The following SOX6 variants were observed in gnomAD, a reference collection of about 807,000 sequenced individuals.
The protein encoded by SOX6 is transcription factor SOX-6.
In SOX6, 11 loss-of-function variants were observed where a neutral mutation model predicts 97.8. The ratio of observed to expected loss-of-function variants is 0.11; its 90% CI spans 0.07 to 0.19. SOX6 has a LOEUF of 0.19. Ranked by LOEUF, SOX6 falls within the 10% of genes least tolerant of loss-of-function variation. The pLI is 1.00. For synonymous variants in SOX6, 360 were observed against 371.4 expected, an observed-to-expected ratio of 0.97 and a Z score of 0.35; for missense variants, 810 against 1,039.5, an observed-to-expected ratio of 0.78 and a Z score of 3.04.
intron 4 of SOX6, among the ~76,000 whole-genome samples, chr11:16,593,495 G>A (rs946640964): frequency 5.5e-5 from 8 of 145,394 alleles, no homozygotes; most frequent in Non-Finnish European, 1.2e-4. Context: ...TGGGAAGAAC[G>A]TTGAACAAAT....
At chr11:16,089,097 G>A (rs188483201) in intron 9 of SOX6, among the ~76,000 whole-genome samples, 7 of 152,186 alleles carry the variant, frequency 4.6e-5, no homozygotes, top group Non-Finnish European at 7.4e-5. Context: ...TGAACTCAAT[G>A]CAGTTTATTG....
intron 9 of SOX6, among the ~76,000 whole-genome samples, chr11:16,093,117 G>A (rs1848726878): frequency 6.6e-6 from 1 of 151,970 alleles, no homozygotes; most frequent in Non-Finnish European, 1.5e-5. Flanking sequence ...AGTGCTCTCT[G>A]TTCTCTAAAG....
intron 4 of SOX6, among the ~76,000 whole-genome samples, chr11:16,581,748 G>T (rs1848034296): frequency 6.6e-6 from 1 of 152,154 alleles, no homozygotes; most frequent in Non-Finnish European, 1.5e-5. Context: ...TGGATCAAGA[G>T]GTCAGGAGTT....
chr11:16,317,086 A>G (rs1383958002), intron 3 of SOX6: 1 of 151,912 alleles, frequency 6.6e-6, no homozygotes, highest in Non-Finnish European at 1.5e-5. Flanking sequence ...ACACACACCA[A>G]AAAAATACAT....
chr11:16,453,884 C>T (rs2133099101), intron 1 of SOX6, among the ~76,000 whole-genome samples: 1 of 152,176 alleles, frequency 6.6e-6, no homozygotes, highest in South Asian at 2.1e-4. Flanking sequence ...TACTTACCGC[C>T]TCATTTTATG....
intron 3 of SOX6, among the ~76,000 whole-genome samples, chr11:16,239,346 T>C (rs1853116695): frequency 6.6e-6 from 1 of 152,028 alleles, no homozygotes; most frequent in African/African-American, 2.4e-5. Context: ...AACAACTGAT[T>C]TTCCAAATAA....
At chr11:16,368,682 T>C (rs748319372) in intron 1 of SOX6, among the ~76,000 whole-genome samples, 21 of 152,194 alleles carry the variant, frequency 1.4e-4, no homozygotes, top group Non-Finnish European at 2.2e-4. Context: ...CATCATGACA[T>C]TGAAGATTTC....
intron 4 of SOX6, among the ~76,000 whole-genome samples, chr11:16,494,641 A>G (rs1195799444): frequency 6.6e-6 from 1 of 152,186 alleles, no homozygotes; most frequent in African/African-American, 2.4e-5. Context: ...TTAAGAGAGA[A>G]CACTGAAATT....
intron 3 of SOX6, among the ~76,000 whole-genome samples, chr11:16,291,810 G>A (rs1854927356): frequency 1.3e-5 from 2 of 152,014 alleles, no homozygotes; most frequent in Admixed American, 1.3e-4. Context: ...TAATAAATAT[G>A]TACTGTAAAT....
chr11:16,553,688 A>G (rs1847716365), intron 4 of SOX6, among the ~76,000 whole-genome samples: 1 of 152,010 alleles, frequency 6.6e-6, no homozygotes, highest in African/African-American at 2.4e-5. Flanking sequence ...AGGCATTGAT[A>G]CTAGGACCAT....
intron 6 of SOX6, among the ~76,000 whole-genome samples, chr11:16,140,499 C>T (rs1169832381): frequency 6.6e-6 from 1 of 152,130 alleles, no homozygotes; most frequent in African/African-American, 2.4e-5. Flanking sequence ...ATAACCTTAG[C>T]TTCCTCACTT....
chr11:16,108,417 T>A (rs1849150692), intron 7 of SOX6, among the ~76,000 whole-genome samples: 1 of 152,208 alleles, frequency 6.6e-6, no homozygotes, highest in Non-Finnish European at 1.5e-5. Context: ...TCAGGCAAGC[T>A]GATCTTGATT....
In SOX6 at chr11:16,613,880, G is replaced by GC. The variant is rs940233099; in HGVS notation, n.430-1621dup. Among the ~76,000 whole-genome samples, 2 of 152,168 alleles carry GC rather than the reference G, an allele frequency of 1.3e-5. No homozygotes were observed. The highest frequency in any genetic ancestry group is 4.8e-5 in the African/African-American group (2 of 41,462). On this transcript the variant is annotated intron_variant and non_coding_transcript_variant, in intron 3 of 5. Transcript: ENST00000524520. This position sits in a 1 kb window ranked among gnomAD's most constrained non-coding sequence, Gnocchi z 4.6. ...GCTAGGGGCTGTAGAGACGAACCCA[G>GC]CTGACACTGGCCCAGCAGCCTTGGC...
At chr11:16,081,604 C>A (rs1343622108) in intron 9 of SOX6, among the ~76,000 whole-genome samples, 1 of 152,098 alleles carries the variant, frequency 6.6e-6, no homozygotes. Context: ...CTATGCAGCT[C>A]TTTGAAGGAA....
At chr11:16,414,875 G>A (rs1858895252) in intron 1 of SOX6, among the ~76,000 whole-genome samples, 1 of 151,986 alleles carries the variant, frequency 6.6e-6, no homozygotes, top group African/African-American at 2.4e-5. Flanking sequence ...TTGGATGAGA[G>A]GATAATATAA....
chr11:16,287,428 C>A (rs548313364), intron 3 of SOX6, among the ~76,000 whole-genome samples: 1 of 151,890 alleles, frequency 6.6e-6, no homozygotes, highest in Admixed American at 6.6e-5. Context: ...TTCATGCAAT[C>A]CTAATAAGCC....
At chr11:16,429,805 G>C (rs543091650) in intron 1 of SOX6, among the ~76,000 whole-genome samples, 1 of 152,068 alleles carries the variant, frequency 6.6e-6, no homozygotes. Context: ...TAACAAACAT[G>C]TACACTTGAA....
intron 2 of SOX6, among the ~76,000 whole-genome samples, chr11:16,329,650 T>C (rs1367970106): frequency 6.6e-6 from 1 of 152,290 alleles, no homozygotes; most frequent in East Asian, 1.9e-4. Flanking sequence ...CAGTAAAGAA[T>C]TTATCTCAAA....
chr11:16,679,626 G>A (rs1471795118), intron 3 of SOX6, among the ~76,000 whole-genome samples: 1 of 152,172 alleles, frequency 6.6e-6, no homozygotes, highest in Non-Finnish European at 1.5e-5. Context: ...TTGACAAGTT[G>A]ACAGAAGTAG....
Sources: allele counts gnomAD v4.1 joint callset (sites outside exome capture counted in the v4.1 genomes callset), GRCh38; gene constraint gnomAD v4.1.1; non-coding constraint Gnocchi (gnomAD v3.1); transcripts MANE v1.5; gene names NCBI Gene and HGNC (gene_info 2026-07-23, HGNC 2026-07-21).